Variants in DDX1 observed in about 807,000 individuals in gnomAD.
DDX1 encodes ATP-dependent RNA helicase DDX1.
A neutral mutation model predicts 108.7 loss-of-function variants in DDX1; 28 were observed. The observed-to-expected ratio is 0.26, with a 90% confidence interval of 0.19 to 0.35. The LOEUF (loss-of-function observed/expected upper bound fraction) is 0.35. DDX1 is among the 10% of genes least tolerant of loss of function. DDX1 has a pLI of 1.00. For synonymous variants in DDX1, 295 were observed against 288.9 expected, an observed-to-expected ratio of 1.02 and a Z score of -0.21; for missense variants, 710 against 884.5, an observed-to-expected ratio of 0.80 and a Z score of 2.50.
chr2:15,614,183 T>A (rs1417016847), intron 14 of DDX1, among the ~76,000 whole-genome samples: 2 of 152,228 alleles, frequency 1.3e-5, no homozygotes, highest in Non-Finnish European at 2.9e-5. Flanking sequence ...TGAAATATTT[T>A]TCGTGTGTGA....
intron 14 of DDX1, 85 bp downstream of exon 14, chr2:15,613,369 A>C (rs1269765341): frequency 1.1e-6 from 1 of 898,998 alleles, no homozygotes; most frequent in Non-Finnish European, 1.7e-6. Flanking sequence ...AAGAAAATTT[A>C]AGTGAGGCTG....
At position 15,623,527 on chromosome 2, in the gene DDX1, T is replaced by G; in HGVS notation, c.1539T>G (p.Cys513Trp). Residue 513 changes from cysteine (C) to tryptophan (W), a missense_variant, in exon 19 of 26, where the codon TGT (cysteine) becomes TGG (tryptophan). This residue lies in a region of DDX1 where 661 missense variants were observed against 810.2 expected (regional missense o/e 0.82). Coordinates refer to ENST00000233084, the MANE Select transcript of DDX1 (RefSeq NM_004939.3). ...EHKMDQAIIF[C>W]RTKIDCDNLE... ...AGATGGATCAAGCAATTATCTTCTG[T>G]AGAACCAAAATTGACTGTGATAACT... The G allele has an allele frequency of 6.2e-7, 1 of 1,613,610 alleles. No homozygotes were observed. Among genetic ancestry groups the G allele is most frequent in the Non-Finnish European group, 8.5e-7 (1 of 1,179,660 alleles).
chr2:15,600,740 C>CTTTTTTTT (rs1157559293), intron 6 of DDX1, among the ~76,000 whole-genome samples: 4 of 73,536 alleles, frequency 5.4e-5, no homozygotes, highest in Admixed American at 1.9e-4. Flanking sequence ...TTTGCATTTT[C>CTTTTTTTT]TTTTTTTTTT....
At position 15,623,686 on chromosome 2, in the gene DDX1, G is replaced by A. The variant is rs756395096; in HGVS notation, c.1594+104G>A. On this transcript the variant is annotated intron_variant, in intron 19 of 25. Coordinates refer to ENST00000233084, the MANE Select transcript of DDX1 (RefSeq NM_004939.3). ...GAACACATGCACAGAATTTAAAGCA[G>A]TTGATGGCATATTTTAAGTATCTAT... 4.4e-6 allele frequency: 4 copies of A among 901,828 alleles called. No individual in the cohort carries two copies. In the South Asian group the frequency reaches 6.6e-5, roughly 15 times the overall value. The allele number at this position is 901,828 out of a possible 1,614,324, so 55.9% of individuals were successfully genotyped here.
chr2:15,610,091 T>C (rs1193762107), intron 13 of DDX1, among the ~76,000 whole-genome samples: 2 of 152,102 alleles, frequency 1.3e-5, no homozygotes, highest in Non-Finnish European at 2.9e-5. Context: ...AGTGCCACAG[T>C]GCTTGGCTAA....
At chr2:15,612,951 G>A (rs1024242049) in intron 13 of DDX1, among the ~76,000 whole-genome samples, 4 of 151,836 alleles carry the variant, frequency 2.6e-5, no homozygotes, top group Non-Finnish European at 5.9e-5. Context: ...AGCCGAGATG[G>A]CAGCAGTACA....
At chr2:15,621,481 T>C (rs571909700) in intron 18 of DDX1, 9 of 195,550 alleles carry the variant, frequency 4.6e-5, no homozygotes, top group African/African-American at 9.5e-5. Flanking sequence ...TTTTTTTATA[T>C]TTTTAGTAGA....
intron 19 of DDX1, 128 bp downstream of exon 19, chr2:15,623,710 A>G (rs548705989): frequency 3.6e-5 from 26 of 723,660 alleles, no homozygotes; most frequent in African/African-American, 3.2e-4. Flanking sequence ...TTAAGTATCT[A>G]TGCTTATTCA....
Position 15,603,183 on chromosome 2 carries a change from C to T in DDX1, c.392-9C>T, listed in dbSNP as rs1408233599. The T allele has an allele frequency of 3.2e-6, 5 of 1,583,644 alleles. No homozygotes were observed. The highest frequency in any genetic ancestry group is 4.3e-6 in the Non-Finnish European group (5 of 1,159,618). ...TTTATATAAATCTCAATGTATTTTA[C>T]CCTTGTAGGGAAACACTACTATGAA... On this transcript the variant is annotated splice_polypyrimidine_tract_variant and intron_variant, in intron 7 of 25. Coordinates refer to ENST00000233084, the MANE Select transcript of DDX1 (RefSeq NM_004939.3).
chr2:15,618,876 A>C (rs535064699), intron 16 of DDX1, among the ~76,000 whole-genome samples: 1 of 152,352 alleles, frequency 6.6e-6, no homozygotes, highest in East Asian at 1.9e-4. Flanking sequence ...GTGCACACCC[A>C]GCTGGCCCAA....
At chr2:15,626,091 C>T (rs1265452038) in intron 19 of DDX1, among the ~76,000 whole-genome samples, 1 of 152,030 alleles carries the variant, frequency 6.6e-6, no homozygotes, top group Non-Finnish European at 1.5e-5. Context: ...GATGTTACTT[C>T]TGCCTAGAAA....
intron 23 of DDX1, among the ~76,000 whole-genome samples, chr2:15,629,296 ATG>A (rs1485008686): frequency 6.6e-6 from 1 of 152,130 alleles, no homozygotes; most frequent in Non-Finnish European, 1.5e-5. Context: ...GAACTTTTTT[ATG>A]TTAATATTGA....
chr2:15,603,737 A>G, intron 8 of DDX1, 77 bp from the exon 9 acceptor site: 1 of 974,042 alleles, frequency 1.0e-6, no homozygotes, highest in Admixed American at 2.4e-5. Context: ...TACTATGTGA[A>G]TAAAATTACT....
chr2:15,623,666 C>T, intron 19 of DDX1, 84 bp downstream of exon 19: 1 of 1,125,294 alleles, frequency 8.9e-7, no homozygotes, highest in Non-Finnish European at 1.3e-6. Flanking sequence ...ATCTAGAACA[C>T]ATGCACAGAA....
At chr2:15,620,797 G>A (rs1665991809) in intron 17 of DDX1, among the ~76,000 whole-genome samples, 1 of 151,908 alleles carries the variant, frequency 6.6e-6, no homozygotes, top group African/African-American at 2.4e-5. Flanking sequence ...CCTTTATATA[G>A]TAAGGTTATA....
intron 16 of DDX1, among the ~76,000 whole-genome samples, chr2:15,619,453 A>G (rs991325639): frequency 6.6e-6 from 1 of 152,040 alleles, no homozygotes; most frequent in Non-Finnish European, 1.5e-5. Context: ...CACCACCACC[A>G]CTGCAGCTCC....
At chr2:15,609,620 T>C (rs1446139677) in intron 13 of DDX1, among the ~76,000 whole-genome samples, 1 of 152,254 alleles carries the variant, frequency 6.6e-6, no homozygotes, top group East Asian at 1.9e-4. Context: ...GGTTCTTTTA[T>C]ATTCTTCAAC....
rs747321017 is a variant in DDX1, at chr2:15,629,615, T to C, written c.1889T>C (p.Val630Ala). Reference protein sequence around the residue: ...ATEKEKVWYHVCSSRGKGCYN... With the variant: ...ATEKEKVWYHACSSRGKGCYN... ...TTTTAAATTTAGGTTTGGTACCATG[T>C]ATGTAGCAGCCGTGGAAAAGGGTGT... The change falls in exon 24 of 26, where the codon GTA becomes GCA. Residue 630 changes from valine (V) to alanine (A), a missense_variant. Transcript: ENST00000233084. 2 of 1,594,906 alleles carry C rather than the reference T, an allele frequency of 1.3e-6. No homozygotes were observed. The highest frequency in any genetic ancestry group is 3.6e-5 in the Admixed American group (2 of 55,490).
intron 1 of DDX1, among the ~76,000 whole-genome samples, chr2:15,592,724 G>C (rs1665435263): frequency 6.6e-6 from 1 of 151,984 alleles, no homozygotes; most frequent in Non-Finnish European, 1.5e-5. Flanking sequence ...TGCGCTAAAC[G>C]TGATACATTT....
Sources: gnomAD v4.1 joint callset for allele counts (sites outside exome capture counted in the v4.1 genomes callset) on GRCh38, gnomAD v4.1.1 for gene constraint, gnomAD v4.1.1 regional missense constraint, MANE v1.5 for transcripts, NCBI Gene and HGNC (gene_info 2026-07-23, HGNC 2026-07-21) for gene names.